PPP2R5C: variants seen among roughly 807,000 people sequenced by gnomAD.
PPP2R5C encodes the protein protein phosphatase 2 regulatory subunit B'gamma.
PPP2R5C carries 7 observed loss-of-function variants against 68.9 expected under a neutral mutation model. The observed-to-expected ratio is 0.10, with a 90% CI of 0.06 to 0.19. PPP2R5C has a LOEUF of 0.19. PPP2R5C is among the 10% of genes least tolerant of loss of function. PPP2R5C has a pLI of 1.00. For missense variants in PPP2R5C, 348 were observed against 641.3 expected, an observed-to-expected ratio of 0.54 and a Z score of 4.94; for synonymous variants, 210 against 222.2, an observed-to-expected ratio of 0.95 and a Z score of 0.49.
At chr14:101,903,289 G>A (rs1019382170) in intron 9 of PPP2R5C, among the ~76,000 whole-genome samples, 1 of 152,154 alleles carries the variant, frequency 6.6e-6, no homozygotes, top group Admixed American at 6.5e-5. Flanking sequence ...AGGGACAAGT[G>A]GACTCACAAT....
rs1054000560 is a variant in PPP2R5C, at chr14:101,899,889, T to A, written c.853-1830T>A. 1.3e-5 allele frequency among the ~76,000 whole-genome samples: 2 copies of A among 152,188 alleles called. No homozygotes were observed. Among genetic ancestry groups the A allele is most frequent in the African/African-American group, 4.8e-5 (2 of 41,432 alleles). On this transcript the variant is annotated intron_variant, in intron 8 of 13. Transcript: ENST00000334743. The surrounding 1 kb of genome is among the most constrained non-coding windows in gnomAD (Gnocchi z 4.2). ...AAAACTAGCAGCACTTCCTTTTTTA[T>A]TTTTATTTGGCTCTTTTGGGGTTTT...
chr14:101,818,655 C>G, intron 1 of PPP2R5C: 1 of 187,470 alleles, frequency 5.3e-6, no homozygotes, highest in Non-Finnish European at 1.1e-5. Context: ...AAAAAGTGAG[C>G]AATATCTGTG....
At chr14:101,857,889 GA>G (rs1204266361) in intron 2 of PPP2R5C, among the ~76,000 whole-genome samples, 2 of 152,132 alleles carry the variant, frequency 1.3e-5, no homozygotes, top group South Asian at 2.1e-4. Context: ...TGGACTTCTT[GA>G]CCTAAAATAC....
intron 1 of PPP2R5C, among the ~76,000 whole-genome samples, chr14:101,816,898 A>G (rs990229970): frequency 2.4e-5 from 3 of 126,902 alleles, no homozygotes; most frequent in Non-Finnish European, 4.8e-5. Context: ...TATATTATAT[A>G]AATATATATA....
At chr14:101,824,108 A>ACATC in intron 1 of PPP2R5C, 1 of 1,289,118 alleles carries the variant, frequency 7.8e-7, no homozygotes, top group Non-Finnish European at 1.0e-6. Context: ...CGGAGCTCGC[A>ACATC]CATCCCGAGA....
intron 1 of PPP2R5C, among the ~76,000 whole-genome samples, chr14:101,821,444 GGT>G (rs758710740): frequency 1.2e-4 from 15 of 130,058 alleles, no homozygotes; most frequent in Non-Finnish European, 1.7e-4. Context: ...GTGGGGGGTG[GGT>G]GGGTGGGTGT....
intron 3 of PPP2R5C, among the ~76,000 whole-genome samples, chr14:101,792,895 T>A (rs1024098740): frequency 6.6e-6 from 1 of 151,784 alleles, no homozygotes; most frequent in South Asian, 2.1e-4. Flanking sequence ...TTTTTTTTTT[T>A]TTGAGACAGT....
chr14:101,833,174 C>G (rs2040858248), intron 1 of PPP2R5C, among the ~76,000 whole-genome samples: 1 of 152,238 alleles, frequency 6.6e-6, no homozygotes, highest in Non-Finnish European at 1.5e-5. Context: ...AAGTTGTTTA[C>G]TCTCACGCCA....
intron 1 of PPP2R5C, among the ~76,000 whole-genome samples, chr14:101,828,697 A>G (rs1164360448): frequency 2.0e-5 from 2 of 97,962 alleles, no homozygotes; most frequent in Non-Finnish European, 4.3e-5. Context: ...TTTTTTTTTT[A>G]GACAGTGTCT....
intron 5 of PPP2R5C, among the ~76,000 whole-genome samples, chr14:101,885,346 G>A (rs903786289): frequency 2.4e-4 from 36 of 151,922 alleles, no homozygotes; most frequent in Non-Finnish European, 4.6e-4. Context: ...CACAGCCTGC[G>A]TCGGGAGCAC....
chr14:101,878,107 G>A lies in PPP2R5C; in HGVS notation c.295-4054G>A, dbSNP rs757764067. On this transcript the variant is annotated intron_variant, in intron 2 of 13. Transcript: ENST00000334743. Reference sequence around the variant, plus strand: ...TGTGCCCTCCCATGGCCTTTGCTCCGAGCAAGTGCAGAGAAGGCGAGTGTG... The same window carrying A: ...TGTGCCCTCCCATGGCCTTTGCTCCAAGCAAGTGCAGAGAAGGCGAGTGTG... 3.3e-5 allele frequency among the ~76,000 whole-genome samples: 5 copies of A among 152,328 alleles called. No homozygotes were observed. In the South Asian group the frequency reaches 6.2e-4, roughly 19 times the overall value.
chr14:101,766,955 T>C (rs2036891022), intron 2 of PPP2R5C: 1 of 152,270 alleles, frequency 6.6e-6, no homozygotes, highest in African/African-American at 2.4e-5. Context: ...GTGTGTACTG[T>C]GTCCAATGTT....
At chr14:101,780,399 T>G (rs911797862) in intron 2 of PPP2R5C, among the ~76,000 whole-genome samples, 5 of 152,180 alleles carry the variant, frequency 3.3e-5, no homozygotes, top group South Asian at 2.1e-4. Context: ...GTTTGAGAGA[T>G]ATGATAGTCA....
intron 8 of PPP2R5C, among the ~76,000 whole-genome samples, chr14:101,898,131 A>G (rs1368224487): frequency 2.0e-5 from 3 of 152,230 alleles, no homozygotes; most frequent in Non-Finnish European, 2.9e-5. Flanking sequence ...ACTTCACTCC[A>G]TCCTGAGTGA....
chr14:101,825,211 C>CGTGTGTGT lies in PPP2R5C; in HGVS notation c.94+15206_94+15213dup, dbSNP rs10588262. ...AGGGATAGGATAAGAGGGTTTTCAGCGTGTGTGTGTGTGTGTGTGTGTGTG... is the reference window on the plus strand; with the variant it reads ...AGGGATAGGATAAGAGGGTTTTCAGCGTGTGTGTGTGTGTGTGTGTGTGTGTGTGTGTG... On this transcript the variant is annotated intron_variant, in intron 1 of 13. Transcript: ENST00000334743. This position sits in a 1 kb window ranked among gnomAD's most constrained non-coding sequence, Gnocchi z 4.0. Among the ~76,000 whole-genome samples the CGTGTGTGT allele has an allele frequency of 0.038, 5,373 of 143,044 alleles. 120 individuals carry two copies. The highest frequency in any genetic ancestry group is 0.053 in the Middle Eastern group (15 of 282). The allele number at this position is 143,044 out of a possible 152,430, so 93.8% of individuals were successfully genotyped here. A position where few individuals can be genotyped will look rare whatever the true frequency, so the allele number is the denominator to read the frequency against.
At chr14:101,927,310 A>G (rs890558955) in exon 14 of PPP2R5C, 1 of 152,516 alleles carries the variant, frequency 6.6e-6, no homozygotes, top group African/African-American at 2.4e-5. Context: ...AACACTCACC[A>G]AAAAGAAAAA....
At chr14:101,914,447 A>G (rs919965317) in intron 12 of PPP2R5C, 2 of 219,784 alleles carry the variant, frequency 9.1e-6, no homozygotes, top group African/African-American at 4.6e-5. Flanking sequence ...CAGCAACAAA[A>G]AGTCAATAAT....
intron 9 of PPP2R5C, among the ~76,000 whole-genome samples, chr14:101,903,517 C>T (rs2045836823): frequency 6.6e-6 from 1 of 152,218 alleles, no homozygotes; most frequent in Non-Finnish European, 1.5e-5. Flanking sequence ...CCACTCAGGC[C>T]TTCAGCTGCA....
At chr14:101,870,040 C>CTTTTTTTTTT (rs141433870) in intron 2 of PPP2R5C, among the ~76,000 whole-genome samples, 1 of 53,120 alleles carries the variant, frequency 1.9e-5, no homozygotes. Context: ...TTCAATTGGG[C>CTTTTTTTTTT]TTTTTTTTTT....
Sources: allele counts gnomAD v4.1 joint callset (sites outside exome capture counted in the v4.1 genomes callset), GRCh38; gene constraint gnomAD v4.1.1; non-coding constraint Gnocchi (gnomAD v3.1); transcripts MANE v1.5; gene names NCBI Gene and HGNC (gene_info 2026-07-23, HGNC 2026-07-21).